Variants in FGFR1 observed in about 807,000 individuals in gnomAD.
The protein encoded by FGFR1 is FGFR1/PLAG1 fusion.
A neutral mutation model predicts 93.7 loss-of-function variants in FGFR1; 18 were observed. The observed-to-expected ratio is 0.19, with a 90% confidence interval of 0.13 to 0.28. FGFR1 has a LOEUF of 0.28. Ranked by LOEUF, FGFR1 falls within the 10% of genes least tolerant of loss-of-function variation. The pLI, the probability that FGFR1 is intolerant of heterozygous loss-of-function variation, is 1.00. For missense variants in FGFR1, 731 were observed against 1,080.4 expected, an observed-to-expected ratio of 0.68 and a Z score of 4.53; for synonymous variants, 448 against 429.3, an observed-to-expected ratio of 1.04 and a Z score of -0.54.
chr8:38,414,207 T>G lies in FGFR1; in HGVS notation c.2131A>C (p.Lys711Gln). The change falls in exon 16 of 18, where the codon AAG becomes CAG. Residue 711 changes from lysine to glutamine, a missense_variant. Coordinates refer to ENST00000447712, the MANE Select transcript of FGFR1 (RefSeq NM_023110.3). ...ATGCGGTGACCCTCCTTCAGCAGCT[T>G]GAAAAGTTCCTCCACAGGCACACCG... ...YPGVPVEELF[K>Q]LLKEGHRMDK... is the part of the protein sequence containing the mutation. 1 of 1,614,114 alleles carries G rather than the reference T, an allele frequency of 6.2e-7. No homozygotes were observed. Among genetic ancestry groups the G allele is most frequent in the South Asian group, 1.1e-5 (1 of 91,074 alleles).
intron 2 of FGFR1, among the ~76,000 whole-genome samples, chr8:38,439,632 G>A (rs1284589645): frequency 2.6e-5 from 4 of 152,006 alleles, no homozygotes; most frequent in South Asian, 2.1e-4. Context: ...CCCCTGGTTC[G>A]GCCACTACCC....
At chr8:38,445,237 T>C (rs1358082000) in intron 2 of FGFR1, among the ~76,000 whole-genome samples, 1 of 152,102 alleles carries the variant, frequency 6.6e-6, no homozygotes, top group African/African-American at 2.4e-5. Context: ...GAAAAAACGA[T>C]TCTGTGTTGG....
intron 7 of FGFR1, chr8:38,422,926 G>C: frequency 1.5e-6 from 1 of 679,348 alleles, no homozygotes; most frequent in South Asian, 1.7e-5. Flanking sequence ...AATACAGTAG[G>C]GTGGCAAGGA....
At chr8:38,419,008 G>A (rs1817758098) in intron 9 of FGFR1, among the ~76,000 whole-genome samples, 1 of 152,176 alleles carries the variant, frequency 6.6e-6, no homozygotes, top group African/African-American at 2.4e-5. Flanking sequence ...TTTATAAAGG[G>A]GAGTTTCCCT....
rs1478999954 is a variant in FGFR1 at position 38,414,277 on chromosome 8, C to T, written c.2061G>A (p.Gly687=). The change falls in exon 16 of 18, where the codon GGG becomes GGA. Residue 687 remains glycine, a synonymous_variant. Transcript: ENST00000447712. The part of the protein sequence containing the change: ...YTHQSDVWSF[G]VLLWEIFTLG... ...GAGTGAAGATCTCCCACAGGAGCAC[C>T]CCGAAAGACCACCTGCAAATGGGCG... The T allele has an allele frequency of 6.2e-7, 1 of 1,614,030 alleles. No homozygotes were observed. The highest frequency in any genetic ancestry group is 2.2e-5 in the East Asian group (1 of 44,858).
At position 38,424,299 on chromosome 8, in the gene FGFR1, C is replaced by G. The variant is rs1819926250; in HGVS notation, c.936+210G>C. The G allele has an allele frequency of 1.4e-6, 1 of 715,860 alleles. No individual in the cohort carries two copies. Among genetic ancestry groups the G allele is most frequent in the Non-Finnish European group, 2.6e-6 (1 of 386,510 alleles). The allele number at this position is 715,860 out of a possible 1,614,324, so 44.3% of individuals were successfully genotyped here. ...GACCAGCACCACCCATCCCTGCAGC[C>G]CTCTGTTCCCAGCTCACCTCCACTT... On this transcript the variant is annotated intron_variant, in intron 7 of 17. Coordinates refer to ENST00000447712, the MANE Select transcript of FGFR1 (RefSeq NM_023110.3). The surrounding 1 kb of genome is among the most constrained non-coding windows in gnomAD (Gnocchi z 4.3).
At chr8:38,440,460 G>C in intron 2 of FGFR1, 1 of 1,107,442 alleles carries the variant, frequency 9.0e-7, no homozygotes, top group East Asian at 2.6e-5. Flanking sequence ...TGCAAAAATG[G>C]GGGGCACAGG....
In FGFR1 at chr8:38,429,619, C is replaced by G. The variant is rs2150951792; in HGVS notation, c.358+63G>C. 4 of 1,518,532 alleles carry G rather than the reference C, an allele frequency of 2.6e-6. No individual in the cohort carries two copies. The highest frequency in any genetic ancestry group is 3.6e-6 in the Non-Finnish European group (4 of 1,121,882). The allele number at this position is 1,518,532 out of a possible 1,614,324, so 94.1% of individuals were successfully genotyped here. On this transcript the variant is annotated intron_variant, in intron 3 of 17. Coordinates refer to ENST00000447712, the MANE Select transcript of FGFR1 (RefSeq NM_023110.3). The surrounding 1 kb of genome is among the most constrained non-coding windows in gnomAD (Gnocchi z 4.4). ...GGAGGAGGTTCACCTTCCTCTGAAA[C>G]TGGCAGAGAGGGCTGGAGGGGGTGG...
chr8:38,467,894 G>C (rs1033256351), intron 1 of FGFR1, 87 bp downstream of exon 1: 27 of 223,112 alleles, frequency 1.2e-4, no homozygotes, highest in Admixed American at 8.6e-4. Context: ...GCTGCGGCGG[G>C]CAAAGCGCGC....
chr8:38,431,086 A>G (rs2150983979), intron 2 of FGFR1, among the ~76,000 whole-genome samples: 1 of 152,172 alleles, frequency 6.6e-6, no homozygotes, highest in African/African-American at 2.4e-5. Flanking sequence ...GACTTTTCTC[A>G]CCATTTGTTC....
At chr8:38,414,997 T>C (rs561125538) in intron 13 of FGFR1, 96 bp from the exon 14 acceptor site, 25 of 978,308 alleles carry the variant, frequency 2.6e-5, no homozygotes, top group African/African-American at 1.3e-4. Context: ...ACTTGTCTCA[T>C]AGAACTTCTG....
At chr8:38,440,463 G>C (rs1477030803) in intron 2 of FGFR1, 1 of 1,083,508 alleles carries the variant, frequency 9.2e-7, no homozygotes, top group Admixed American at 2.7e-5. Flanking sequence ...AAAAATGGGG[G>C]GCACAGGTAT....
intron 2 of FGFR1, among the ~76,000 whole-genome samples, chr8:38,438,667 T>C (rs919189352): frequency 6.6e-6 from 1 of 151,894 alleles, no homozygotes; most frequent in Non-Finnish European, 1.5e-5. Flanking sequence ...CAAACACAGG[T>C]AGCCTGGTTC....
chr8:38,456,456 A>G (rs1832873912), intron 2 of FGFR1, among the ~76,000 whole-genome samples: 2 of 152,216 alleles, frequency 1.3e-5, no homozygotes, highest in South Asian at 4.1e-4. Context: ...CTGGGTCTCA[A>G]TCACTTCAAA....
At chr8:38,437,132 G>A (rs1470276299) in intron 2 of FGFR1, among the ~76,000 whole-genome samples, 3 of 151,986 alleles carry the variant, frequency 2.0e-5, no homozygotes, top group Non-Finnish European at 2.9e-5. Context: ...CACCCACCTC[G>A]GCCTCCCAAT....
Position 38,468,059 on chromosome 8 carries a change from C to A in FGFR1, c.-167G>T. ...CGGGCGTGTGCCCGCGTCCCCGGCT[C>A]CGGCCCGCCGCCCCCGGGCTCTGTT... is the stretch of plus-strand genomic sequence containing the variant. On this transcript the variant is annotated 5_prime_UTR_variant, in exon 1 of 18. Transcript: ENST00000447712. 4.5e-6 allele frequency: 1 copy of A among 223,644 alleles called. No homozygotes were observed. The highest frequency in any genetic ancestry group is 8.9e-6 in the Non-Finnish European group (1 of 111,864). 13.9% of individuals were successfully genotyped at this position (223,644 alleles called of 1,614,324 possible). A position where few individuals can be genotyped will look rare whatever the true frequency, so the allele number is the denominator to read the frequency against.
rs565177045 is a variant in FGFR1 at position 38,428,811 on chromosome 8, G to T, written c.359-376C>A. 95 of 355,844 alleles carry T rather than the reference G, an allele frequency of 2.7e-4. 1 individual carries two copies. Among genetic ancestry groups the T allele is most frequent in the South Asian group, 2.2e-3 (94 of 42,368 alleles). The allele number at this position is 355,844 out of a possible 1,614,324, so 22.0% of individuals were successfully genotyped here. ...GACGGCTGACTATAGGGAAACCCAGGCAGGTCTAGACACACTGTGGCTAGA... is the reference window on the plus strand; with the variant it reads ...GACGGCTGACTATAGGGAAACCCAGTCAGGTCTAGACACACTGTGGCTAGA... On this transcript the variant is annotated intron_variant, in intron 3 of 17. Coordinates refer to ENST00000447712, the MANE Select transcript of FGFR1 (RefSeq NM_023110.3).
intron 11 of FGFR1, 44 bp downstream of exon 11, chr8:38,417,826 G>C (rs2150645165): frequency 6.2e-7 from 1 of 1,614,120 alleles, no homozygotes. Context: ...TGTTTGCTTG[G>C]AATGGGACAA....
intron 2 of FGFR1, among the ~76,000 whole-genome samples, chr8:38,446,205 C>A (rs1358328360): frequency 7.8e-6 from 1 of 127,776 alleles, no homozygotes; most frequent in Non-Finnish European, 1.6e-5. Flanking sequence ...CCTCTCCCAC[C>A]TTTTTTTTTT....
Sources: allele counts gnomAD v4.1 joint callset (sites outside exome capture counted in the v4.1 genomes callset), GRCh38; gene constraint gnomAD v4.1.1; non-coding constraint Gnocchi (gnomAD v3.1); transcripts MANE v1.5; gene names NCBI Gene and HGNC (gene_info 2026-07-23, HGNC 2026-07-21).